The following WWOX variants were observed in gnomAD, a reference collection of about 807,000 sequenced individuals.
WWOX encodes the protein WW domain containing oxidoreductase, also known as WW domain-containing oxidoreductase.
Under a neutral mutation model 46.2 loss-of-function variants are expected in WWOX, and 69 were observed. The observed-to-expected ratio is 1.49, with a 90% confidence interval of 1.23 to 1.82. The LOEUF (loss-of-function observed/expected upper bound fraction) is 1.82. Ranked by LOEUF, WWOX falls within the 40% of genes most tolerant of loss-of-function variation. The probability of loss-of-function intolerance (pLI) is 0.00; values close to 1 mark genes in which losing one functional copy is unlikely to be tolerated. For synonymous variants in WWOX, 359 were observed against 202.6 expected, an observed-to-expected ratio of 1.77 and a Z score of -6.56; for missense variants, 919 against 542.6, an observed-to-expected ratio of 1.69 and a Z score of -6.89.
At chr16:78,847,336 A>C (rs2052325801) in intron 8 of WWOX, among the ~76,000 whole-genome samples, 1 of 152,070 alleles carries the variant, frequency 6.6e-6, no homozygotes, top group African/African-American at 2.4e-5. Context: ...GTATATTATA[A>C]TTTTAGTATA....
At chr16:78,315,443 G>A (rs1226123695) in intron 5 of WWOX, among the ~76,000 whole-genome samples, 2 of 152,146 alleles carry the variant, frequency 1.3e-5, no homozygotes, top group East Asian at 3.9e-4. Flanking sequence ...GAGGTTAGGA[G>A]TTCGAGACCA....
intron 8 of WWOX, among the ~76,000 whole-genome samples, chr16:79,156,834 C>G (rs557149628): frequency 6.7e-6 from 1 of 149,234 alleles, no homozygotes; most frequent in South Asian, 2.1e-4. Context: ...GAAAGAAGAC[C>G]TTTTATTTCA....
At chr16:78,157,914 A>G (rs1016682164) in intron 4 of WWOX, among the ~76,000 whole-genome samples, 1 of 152,228 alleles carries the variant, frequency 6.6e-6, no homozygotes, top group African/African-American at 2.4e-5. Context: ...AAAGCAGGCA[A>G]CTAACATTTG....
chr16:78,297,111 C>T lies in WWOX; in HGVS notation c.517-89749C>T, dbSNP rs1009291593. On this transcript the variant is annotated intron_variant, in intron 5 of 8. Transcript: ENST00000566780. Reference sequence around the variant, plus strand: ...TTTCTAGCCCTGGAGTGAGGTGGCTCTCTGGCCTCTGGGTTCGTTTGGTAT... The same window carrying T: ...TTTCTAGCCCTGGAGTGAGGTGGCTTTCTGGCCTCTGGGTTCGTTTGGTAT... 5.9e-5 allele frequency among the ~76,000 whole-genome samples: 9 copies of T among 152,256 alleles called. 1 individual carries two copies. The South Asian group carries it at 1.2e-3, about 21-fold the overall frequency.
intron 5 of WWOX, among the ~76,000 whole-genome samples, chr16:78,375,731 T>G (rs1040954706): frequency 6.6e-6 from 1 of 152,176 alleles, no homozygotes; most frequent in African/African-American, 2.4e-5. Flanking sequence ...AGAAAAAAAT[T>G]ATAGTTTCCT....
intron 8 of WWOX, among the ~76,000 whole-genome samples, chr16:78,727,057 G>T (rs1433448919): frequency 3.9e-5 from 6 of 152,192 alleles, no homozygotes; most frequent in Non-Finnish European, 7.3e-5. Context: ...GGCATCGCCA[G>T]TCCCAGTGCC....
At chr16:78,709,548 C>T (rs906373064) in intron 8 of WWOX, among the ~76,000 whole-genome samples, 7 of 152,144 alleles carry the variant, frequency 4.6e-5, no homozygotes, top group Non-Finnish European at 5.9e-5. Flanking sequence ...ATTAGAACAT[C>T]TTCCTGAACA....
chr16:79,209,578 G>A (rs190076929), intron 8 of WWOX, among the ~76,000 whole-genome samples: 20 of 152,302 alleles, frequency 1.3e-4, no homozygotes, highest in Admixed American at 1.1e-3. Flanking sequence ...TTAATGGCAA[G>A]TCACTTGGCC....
At chr16:78,827,062 G>A (rs1331894355) in intron 8 of WWOX, among the ~76,000 whole-genome samples, 4 of 152,134 alleles carry the variant, frequency 2.6e-5, no homozygotes, top group Non-Finnish European at 5.9e-5. Context: ...GAACCAGAGA[G>A]CTTTGATCCC....
At chr16:78,976,575 C>T (rs2046576802) in intron 8 of WWOX, among the ~76,000 whole-genome samples, 1 of 152,176 alleles carries the variant, frequency 6.6e-6, no homozygotes, top group Non-Finnish European at 1.5e-5. Context: ...AGCCTGGGAT[C>T]TTGCAGCTGC....
At chr16:78,462,414 G>T (rs1434239171) in intron 8 of WWOX, among the ~76,000 whole-genome samples, 2 of 152,152 alleles carry the variant, frequency 1.3e-5, no homozygotes, top group East Asian at 3.9e-4. Context: ...TTATCCTGTT[G>T]TCGCTAATTT....
At position 78,109,944 on chromosome 16, in the gene WWOX, T is replaced by C. The variant is rs2032393410; in HGVS notation, c.230+109T>C. 3 of 1,176,200 alleles carry C rather than the reference T, an allele frequency of 2.6e-6. No homozygotes were observed. In the South Asian group the frequency reaches 3.9e-5, roughly 15 times the overall value. 72.9% of individuals were successfully genotyped at this position (1,176,200 alleles called of 1,614,324 possible). A position where few individuals can be genotyped will look rare whatever the true frequency, so the allele number is the denominator to read the frequency against. On this transcript the variant is annotated intron_variant, in intron 3 of 8. Transcript: ENST00000566780. ...TAGAAAAATACAAAGTATAACAGTG[T>C]GTATCTGTAATCTTAGCAGAAGTGA...
intron 5 of WWOX, among the ~76,000 whole-genome samples, chr16:78,381,658 G>C (rs930548658): frequency 6.6e-6 from 1 of 152,128 alleles, no homozygotes; most frequent in Non-Finnish European, 1.5e-5. Context: ...TGAAGATTTG[G>C]GGAAGGAAAA....
At chr16:78,649,434 C>T (rs527694234) in intron 8 of WWOX, among the ~76,000 whole-genome samples, 7 of 152,068 alleles carry the variant, frequency 4.6e-5, no homozygotes, top group African/African-American at 1.7e-4. Flanking sequence ...CAGGTGGGTA[C>T]CACCATACCC....
intron 8 of WWOX, chr16:79,077,329 G>C (rs1049412151): frequency 1.3e-5 from 2 of 152,124 alleles, no homozygotes; most frequent in Non-Finnish European, 2.9e-5. Context: ...GTGGAACAGG[G>C]CATGGAAAGC....
At chr16:78,376,915 C>T (rs1220225194) in intron 5 of WWOX, among the ~76,000 whole-genome samples, 3 of 152,170 alleles carry the variant, frequency 2.0e-5, no homozygotes, top group African/African-American at 7.2e-5. Flanking sequence ...ATGTAAAATC[C>T]TTTGAACCAG....
intron 8 of WWOX, among the ~76,000 whole-genome samples, chr16:78,759,240 A>T (rs536560669): frequency 6.6e-6 from 1 of 152,326 alleles, no homozygotes; most frequent in Non-Finnish European, 1.5e-5. Context: ...TTTCAGGTGA[A>T]TGCCAAGATG....
At chr16:78,519,786 C>T (rs563513139) in intron 8 of WWOX, among the ~76,000 whole-genome samples, 1 of 152,214 alleles carries the variant, frequency 6.6e-6, no homozygotes, top group African/African-American at 2.4e-5. Context: ...CCAGAGTGGA[C>T]CCTTACCCAA....
At chr16:78,726,985 C>T (rs912939235) in intron 8 of WWOX, among the ~76,000 whole-genome samples, 1 of 152,176 alleles carries the variant, frequency 6.6e-6, no homozygotes, top group Admixed American at 6.5e-5. Context: ...ATGTGCTTTT[C>T]CTTTTTCCTG....
Sources: gnomAD v4.1 joint callset for allele counts (sites outside exome capture counted in the v4.1 genomes callset) on GRCh38, gnomAD v4.1.1 for gene constraint, MANE v1.5 for transcripts, NCBI Gene and HGNC (gene_info 2026-07-23, HGNC 2026-07-21) for gene names.